The following DMBT1 variants were observed in gnomAD, a reference collection of about 807,000 sequenced individuals.
The protein encoded by DMBT1 is deleted in malignant brain tumors 1, also known as scavenger receptor cysteine-rich domain-containing protein DMBT1.
DMBT1 carries 198 observed loss-of-function variants against 252.9 expected under a neutral mutation model. The observed-to-expected ratio is 0.78, with a 90% CI of 0.70 to 0.88. The LOEUF is 0.88. DMBT1 is among the 40% of genes least tolerant of loss of function. DMBT1 has a pLI of 0.00. For missense variants in DMBT1, 2,432 were observed against 2,404.7 expected, an observed-to-expected ratio of 1.01 and a Z score of -0.24; for synonymous variants, 990 against 942.7, an observed-to-expected ratio of 1.05 and a Z score of -0.92.
At chr10:122,590,523 G>T (rs1235977809) in intron 17 of DMBT1, 142 bp from the exon 18 acceptor site, 5 of 1,045,586 alleles carry the variant, frequency 4.8e-6, no homozygotes, top group Non-Finnish European at 7.3e-6. Flanking sequence ...ATCTTTGTGG[G>T]GACGTGCATG....
At chr10:122,588,047 C>T (rs1396307332) in intron 16 of DMBT1, among the ~76,000 whole-genome samples, 3 of 148,466 alleles carry the variant, frequency 2.0e-5, no homozygotes, top group African/African-American at 4.9e-5. Context: ...ATGATGCTTG[C>T]CCTATCTGGA....
chr10:122,589,992 C>T (rs1474219204), intron 17 of DMBT1, among the ~76,000 whole-genome samples: 1 of 148,438 alleles, frequency 6.7e-6, no homozygotes, highest in African/African-American at 2.4e-5. Flanking sequence ...CTTTCCCCCA[C>T]TGAAAGGTTT....
intron 1 of DMBT1, among the ~76,000 whole-genome samples, chr10:122,563,958 C>T (rs1202230820): frequency 1.3e-5 from 2 of 152,138 alleles, no homozygotes; most frequent in South Asian, 2.1e-4. Flanking sequence ...TCTATCAGCT[C>T]GTTCTTGAGT....
intron 1 of DMBT1, among the ~76,000 whole-genome samples, chr10:122,561,582 C>CTCTCTCTCTCTA (rs144834746): frequency 0.47 from 68,604 of 147,208 alleles, 16,147 homozygotes; most frequent in Admixed American, 0.58. Context: ...CTCTCTCTCT[C>CTCTCTCTCTCTA]TCTTTCTCTC....
Position 122,630,486 on chromosome 10 carries a change from A to T in DMBT1, c.6021A>T (p.Pro2007=), listed in dbSNP as rs2098153455. Reference sequence around the variant, plus strand: ...TTTTGGCTTGGTATAACTCCTTCCCAAGCGGTAAGTGCACACTAGACCATG... The same window carrying T: ...TTTTGGCTTGGTATAACTCCTTCCCTAGCGGTAAGTGCACACTAGACCATG... ...TGFLAWYNSF[P]SDATLRLVNL... is the part of the protein sequence containing the mutation. Residue 2007 remains proline, a synonymous_variant, in exon 48 of 56, where the codon CCA becomes CCT. Coordinates refer to ENST00000338354, the MANE Select transcript of DMBT1 (RefSeq NM_001377530.1). 5 of 1,613,934 alleles carry T rather than the reference A, an allele frequency of 3.1e-6. No homozygotes were observed. The highest frequency in any genetic ancestry group is 4.2e-6 in the Non-Finnish European group (5 of 1,179,858).
At chr10:122,636,984 G>T in intron 53 of DMBT1, 144 bp from the exon 54 acceptor site, 1 of 696,490 alleles carries the variant, frequency 1.4e-6, no homozygotes, top group Non-Finnish European at 2.4e-6. Flanking sequence ...ATTGCAGTGA[G>T]GTCTATGCCC....
chr10:122,585,314 A>T lies in DMBT1; in HGVS notation c.1459+5A>T. 6.3e-7 allele frequency: 1 copy of T among 1,585,972 alleles called. No homozygotes were observed. The highest frequency in any genetic ancestry group is 8.6e-7 in the Non-Finnish European group (1 of 1,163,810). ...CCTTACCTGCATCGACAGTAGGTAA[A>T]TAATCCTCTCGCCCCTCCCTAGGGC... On this transcript the variant is annotated splice_donor_5th_base_variant and intron_variant, in intron 15 of 55. Transcript: ENST00000338354.
intron 46 of DMBT1, among the ~76,000 whole-genome samples, chr10:122,627,288 A>G (rs987168897): frequency 6.6e-6 from 1 of 152,182 alleles, no homozygotes; most frequent in African/African-American, 2.4e-5. Context: ...TGGATAAATT[A>G]ATGAATAAAT....
At position 122,585,274 on chromosome 10, in the gene DMBT1, C is replaced by A. The variant is rs768261055; in HGVS notation, c.1424C>A (p.Thr475Lys). ...TTTGTCTCTGTTGCAATTACAGACA[C>A]GTTGCCGACCATCACCTTACCTGCA... ...AHSWSTPSPD[T>K]LPTITLPAST... Residue 475 changes from threonine to lysine, a missense_variant, in exon 15 of 56, where the codon ACG becomes AAG. Thr to Lys is a moderately conservative substitution (Grantham distance 78). This residue lies in a region of DMBT1 where 1,264 missense variants were observed against 1,082.2 expected (regional missense o/e 1.17). Transcript: ENST00000338354. 2 of 1,586,694 alleles carry A rather than the reference C, an allele frequency of 1.3e-6. No homozygotes were observed. The highest frequency in any genetic ancestry group is 2.3e-5 in the South Asian group (2 of 86,866).
chr10:122,575,318 A>T (rs956952032), intron 6 of DMBT1, among the ~76,000 whole-genome samples: 3 of 152,206 alleles, frequency 2.0e-5, no homozygotes, highest in Non-Finnish European at 2.9e-5. Context: ...AATCAGAGTG[A>T]GTATGTTGGT....
chr10:122,598,033 T>TC lies in DMBT1; in HGVS notation c.2956+24dup. 1.9e-6 allele frequency: 3 copies of TC among 1,613,736 alleles called. No individual in the cohort carries two copies. In the South Asian group the frequency reaches 3.3e-5, roughly 18 times the overall value. The stretch of plus-strand genomic sequence containing the variant: ...AGTAGGTAAATATTCCTCTCGCCCC[T>TC]CCCTAGGGCTCACTCTCTACCTCTG... On this transcript the variant is annotated intron_variant, in intron 25 of 55. Coordinates refer to ENST00000338354, the MANE Select transcript of DMBT1 (RefSeq NM_001377530.1).
intron 48 of DMBT1, 141 bp downstream of exon 48, chr10:122,630,631 G>A: frequency 3.1e-6 from 3 of 976,142 alleles, no homozygotes; most frequent in Non-Finnish European, 4.5e-6. Context: ...CACTGACTGT[G>A]TGGGCAGGCC....
In DMBT1 at chr10:122,566,010, T is replaced by C. The variant is rs370194012; in HGVS notation, c.91+14T>C. On this transcript the variant is annotated intron_variant, in intron 2 of 55. Coordinates refer to ENST00000338354, the MANE Select transcript of DMBT1 (RefSeq NM_001377530.1). ...CTACAGACTACGGTAAGACCTTTTC[T>C]TCACTCCTCTTCCCTGGTGGGGTTG... The C allele has an allele frequency of 6.2e-7, 1 of 1,613,842 alleles. No individual in the cohort carries two copies. Among genetic ancestry groups the C allele is most frequent in the Non-Finnish European group, 8.5e-7 (1 of 1,179,756 alleles).
rs768392729 is a variant in DMBT1, at chr10:122,599,071, G to A, written c.3254G>A (p.Ser1085Asn). 5.1e-5 allele frequency: 82 copies of A among 1,613,750 alleles called. No individual in the cohort carries two copies. Among genetic ancestry groups the A allele is most frequent in the Admixed American group, 6.7e-5 (4 of 60,004 alleles). ...NGWLSHNCGH[S>N]EDAGVICSAS... ...TGGCTCTCCCACAACTGTGGCCATA[G>A]TGAAGACGCTGGTGTCATCTGCTCA... The change falls in exon 26 of 56, where the codon AGT becomes AAT. Residue 1085 changes from serine to asparagine, a missense_variant. Around this residue, in one of 3 missense-constraint regions of DMBT1, gnomAD observed 1,264 missense variants for 1,082.2 expected, o/e 1.17. Coordinates refer to ENST00000338354, the MANE Select transcript of DMBT1 (RefSeq NM_001377530.1).
chr10:122,633,091 T>G, intron 51 of DMBT1, 100 bp from the exon 52 acceptor site: 1 of 1,508,022 alleles, frequency 6.6e-7, no homozygotes, highest in South Asian at 1.4e-5. Context: ...TGGGAATTAT[T>G]TTATAAAATT....
rs2098065204 is a variant in DMBT1 at position 122,621,247 on chromosome 10, C to T, written c.5475C>T (p.Gly1825=). 1 of 1,613,814 alleles carries T rather than the reference C, an allele frequency of 6.2e-7. No individual in the cohort carries two copies. The highest frequency in any genetic ancestry group is 8.5e-7 in the Non-Finnish European group (1 of 1,179,770). The change falls in exon 44 of 56, where the codon GGC becomes GGT. Residue 1825 remains glycine, a synonymous_variant. Coordinates refer to ENST00000338354, the MANE Select transcript of DMBT1 (RefSeq NM_001377530.1). ...AMSAPGNARF[G]QGSGPIVLDD... ...CGGCCCCAGGAAATGCCCGGTTTGG[C>T]CAGGGCTCAGGACCCATTGTCCTGG...
rs371608762 is a variant in DMBT1 at position 122,592,417 on chromosome 10, G to A, written c.2322G>A (p.Leu774=). 2.8e-5 allele frequency: 44 copies of A among 1,588,400 alleles called. 5 individuals are homozygous for A. Among genetic ancestry groups the A allele is most frequent in the Non-Finnish European group, 3.7e-5 (43 of 1,165,842 alleles). Residue 774 remains leucine, a synonymous_variant, in exon 20 of 56, where the codon CTG becomes CTA. Coordinates refer to ENST00000338354, the MANE Select transcript of DMBT1 (RefSeq NM_001377530.1). ...TNDANVVCRQ[L]GCGWATSAPG... is the part of the protein sequence containing the mutation. ...ATGCCAATGTGGTCTGCAGGCAGCT[G>A]GGCTGTGGCTGGGCCACGTCGGCCC...
chr10:122,593,294 C>T (rs560589856), intron 20 of DMBT1, among the ~76,000 whole-genome samples: 15 of 148,318 alleles, frequency 1.0e-4, no homozygotes, highest in Non-Finnish European at 2.3e-4. Context: ...TCAGGAACAC[C>T]TAAGATGTGC....
chr10:122,643,010 C>A, intron 55 of DMBT1, 112 bp from the exon 56 acceptor site: 1 of 1,398,426 alleles, frequency 7.2e-7, no homozygotes, highest in Non-Finnish European at 9.9e-7. Context: ...GTGAGGTGTG[C>A]AGGAGGCAGG....
Sources: allele counts gnomAD v4.1 joint callset (sites outside exome capture counted in the v4.1 genomes callset), GRCh38; gene constraint gnomAD v4.1.1; regional missense constraint gnomAD v4.1.1; transcripts MANE v1.5; gene names NCBI Gene and HGNC (gene_info 2026-07-23, HGNC 2026-07-21).